The following TRIM60 variants were observed in gnomAD, a reference collection of about 807,000 sequenced individuals.
TRIM60 encodes tripartite motif-containing protein 60.
For synonymous variants in TRIM60, 189 were observed against 195.2 expected, an observed-to-expected ratio of 0.97 and a Z score of 0.27; for missense variants, 524 against 540.8, an observed-to-expected ratio of 0.97 and a Z score of 0.31.
At chr4:165,035,558 T>A (rs1020820302) in intron 1 of TRIM60, among the ~76,000 whole-genome samples, 2 of 152,204 alleles carry the variant, frequency 1.3e-5, no homozygotes, top group African/African-American at 4.8e-5. Context: ...AAGATGCTCA[T>A]TGAAGATTTG....
intron 1 of TRIM60, among the ~76,000 whole-genome samples, chr4:165,033,167 C>A (rs1176092064): frequency 2.0e-5 from 3 of 152,132 alleles, no homozygotes; most frequent in Non-Finnish European, 4.4e-5. Flanking sequence ...CCAGCCTTGG[C>A]GACAGAGTGA....
In TRIM60 at chr4:165,041,590, C is replaced by A; in HGVS notation, c.*102C>A. ...AAGTTTTACCACTGAAAACCAGAGT[C>A]GATTTTTCTCCTAAATTTTTGGCAA... is the stretch of plus-strand genomic sequence containing the variant. On this transcript the variant is annotated 3_prime_UTR_variant, in exon 3 of 3. Coordinates refer to ENST00000512596, the MANE Select transcript of TRIM60 (RefSeq NM_152620.3). 1.3e-6 allele frequency: 1 copy of A among 789,494 alleles called. No individual in the cohort carries two copies. Among genetic ancestry groups the A allele is most frequent in the Non-Finnish European group, 1.9e-6 (1 of 539,726 alleles). 48.9% of individuals were successfully genotyped at this position (789,494 alleles called of 1,614,324 possible). A position where few individuals can be genotyped will look rare whatever the true frequency, so the allele number is the denominator to read the frequency against.
intron 1 of TRIM60, among the ~76,000 whole-genome samples, chr4:165,038,688 A>C (rs1375979414): frequency 6.7e-6 from 1 of 149,108 alleles, no homozygotes; most frequent in East Asian, 1.9e-4. Flanking sequence ...CACTGTTGTC[A>C]TTTGTGCTGT....
rs1733749716 is a variant in TRIM60 at position 165,041,006 on chromosome 4, G to C, written c.934G>C (p.Glu312Gln). 1 of 1,614,048 alleles carries C rather than the reference G, an allele frequency of 6.2e-7. No homozygotes were observed. The highest frequency in any genetic ancestry group is 2.2e-5 in the East Asian group (1 of 44,882). Residue 312 changes from glutamate (E) to glutamine (Q), a missense_variant, in exon 3 of 3, where the codon GAG becomes CAG. Glu to Gln is a conservative substitution (Grantham distance 29). Transcript: ENST00000512596. ...AGCACATCCTCAACTTCTTGTCTCT[G>C]AGGATAGAAAAGCTGTGCGATATGA... is the stretch of plus-strand genomic sequence containing the variant. ...NTAHPQLLVS[E>Q]DRKAVRYERK... is the part of the protein sequence containing the mutation.
intron 1 of TRIM60, among the ~76,000 whole-genome samples, chr4:165,033,367 TTG>T (rs1317115331): frequency 6.6e-6 from 1 of 152,146 alleles, no homozygotes; most frequent in Non-Finnish European, 1.5e-5. Flanking sequence ...GGTAATTCAG[TTG>T]TGAGGAAAAT....
At position 165,041,571 on chromosome 4, in the gene TRIM60, T is replaced by G; in HGVS notation, c.*83T>G. 9.6e-7 allele frequency: 1 copy of G among 1,037,470 alleles called. No homozygotes were observed. Among genetic ancestry groups the G allele is most frequent in the Non-Finnish European group, 1.3e-6 (1 of 751,816 alleles). 64.3% of individuals were successfully genotyped at this position (1,037,470 alleles called of 1,614,324 possible). A position where few individuals can be genotyped will look rare whatever the true frequency, so the allele number is the denominator to read the frequency against. On this transcript the variant is annotated 3_prime_UTR_variant, in exon 3 of 3. Coordinates refer to ENST00000512596, the MANE Select transcript of TRIM60 (RefSeq NM_152620.3). ...TCTCATTTCTGGACTCTTTAAGTTT[T>G]ACCACTGAAAACCAGAGTCGATTTT...
chr4:165,039,804 C>CAAA (rs34594955), intron 2 of TRIM60, among the ~76,000 whole-genome samples: 2 of 83,490 alleles, frequency 2.4e-5, no homozygotes, highest in African/African-American at 4.1e-5. Context: ...GACTCCGTCT[C>CAAA]AAAAAAAAAA....
intron 1 of TRIM60, among the ~76,000 whole-genome samples, chr4:165,037,695 G>A (rs1015038953): frequency 2.6e-5 from 4 of 151,972 alleles, no homozygotes; most frequent in Non-Finnish European, 4.4e-5. Context: ...CCTAGCTCCT[G>A]TTTCATTAAA....
At chr4:165,037,133 G>A (rs111645644) in intron 1 of TRIM60, among the ~76,000 whole-genome samples, 2,313 of 149,490 alleles carry the variant, frequency 0.015, 56 homozygotes, top group African/African-American at 0.054. Flanking sequence ...CCCAGGAGGC[G>A]GAGGTTGCAG....
Position 165,040,048 on chromosome 4 carries a change from AT to A in TRIM60, c.-4-20del, listed in dbSNP as rs774995561. Reference sequence around the variant, plus strand: ...GGACTGATCAAAGGGAGGTTACCTTATGCATTACCTTTGTTCGCAGCTCGAT... The same window carrying A: ...GGACTGATCAAAGGGAGGTTACCTTAGCATTACCTTTGTTCGCAGCTCGAT... On this transcript the variant is annotated intron_variant, in intron 2 of 2. Transcript: ENST00000512596. The A allele has an allele frequency of 6.3e-7, 1 of 1,598,082 alleles. No homozygotes were observed. The highest frequency in any genetic ancestry group is 1.1e-5 in the South Asian group (1 of 88,732).
chr4:165,034,184 ACT>A (rs1733568807), intron 1 of TRIM60, among the ~76,000 whole-genome samples: 1 of 147,422 alleles, frequency 6.8e-6, no homozygotes, highest in East Asian at 2.0e-4. Context: ...GATGACTCTC[ACT>A]CTGTCGCCCA....
chr4:165,036,880 T>TC (rs1733633654), intron 1 of TRIM60, among the ~76,000 whole-genome samples: 2 of 98,938 alleles, frequency 2.0e-5, no homozygotes, highest in Non-Finnish European at 3.9e-5. Context: ...AGACTCTGTC[T>TC]CAAAAAAAAA....
intron 1 of TRIM60, among the ~76,000 whole-genome samples, chr4:165,035,030 T>G (rs1444277065): frequency 6.6e-6 from 1 of 152,192 alleles, no homozygotes; most frequent in Non-Finnish European, 1.5e-5. Context: ...GGTGATTTGC[T>G]AAAATGACCA....
chr4:165,033,294 GTTTGA>G (rs1366703713), intron 1 of TRIM60, among the ~76,000 whole-genome samples: 3 of 152,172 alleles, frequency 2.0e-5, no homozygotes, highest in Admixed American at 6.5e-5. Context: ...TCTACTGCAG[GTTTGA>G]TTTATTAGCC....
At chr4:165,034,193 C>T (rs1286944681) in intron 1 of TRIM60, among the ~76,000 whole-genome samples, 2 of 151,596 alleles carry the variant, frequency 1.3e-5, no homozygotes, top group African/African-American at 4.9e-5. Context: ...CACTCTGTCG[C>T]CCAGGATGGA....
At chr4:165,039,763 AGT>A in intron 2 of TRIM60, 2 of 165,214 alleles carry the variant, frequency 1.2e-5, no homozygotes, top group South Asian at 1.6e-4. Context: ...GCGCCACTGC[AGT>A]CCGCAGTCCG....
At chr4:165,037,307 A>C (rs1262412036) in intron 1 of TRIM60, among the ~76,000 whole-genome samples, 4 of 151,706 alleles carry the variant, frequency 2.6e-5, no homozygotes, top group Non-Finnish European at 5.9e-5. Flanking sequence ...ACGCCTATCA[A>C]ATCATTATAC....
intron 1 of TRIM60, among the ~76,000 whole-genome samples, chr4:165,033,615 A>G (rs1733554986): frequency 6.6e-6 from 1 of 152,178 alleles, no homozygotes; most frequent in East Asian, 1.9e-4. Flanking sequence ...GAGTTATGGA[A>G]TTGATTGACG....
intron 1 of TRIM60, among the ~76,000 whole-genome samples, chr4:165,035,903 A>G (rs56182744): frequency 0.059 from 8,918 of 152,042 alleles, 721 homozygotes; most frequent in African/African-American, 0.18. Context: ...TTGTATTTTT[A>G]GTAGAGACAG....
Sources: gnomAD v4.1 joint callset for allele counts (sites outside exome capture counted in the v4.1 genomes callset) on GRCh38, gnomAD v4.1.1 for gene constraint, MANE v1.5 for transcripts, NCBI Gene and HGNC (gene_info 2026-07-23, HGNC 2026-07-21) for gene names.